FER: variants seen among roughly 807,000 people sequenced by gnomAD.
FER encodes tyrosine-protein kinase Fer.
A neutral mutation model predicts 111.0 loss-of-function variants in FER; 63 were observed. That is an observed-to-expected ratio of 0.57 (90% CI 0.46 to 0.70). The LOEUF is 0.70. FER is among the 30% of genes least tolerant of loss of function. FER has a pLI of 0.00. For synonymous variants in FER, 327 were observed against 313.9 expected (o/e 1.04, Z -0.44); for missense variants, 914 against 954.0 (o/e 0.96, Z 0.55).
At chr5:109,146,265 T>TTATCTATCTA (rs1358789502) in intron 17 of FER, among the ~76,000 whole-genome samples, 5 of 87,246 alleles carry the variant, frequency 5.7e-5, no homozygotes, top group South Asian at 3.5e-4. Flanking sequence ...TATATATATA[T>TTATCTATCTA]ATATATATAT....
rs531503128 is a variant in FER, at chr5:108,885,445, T to A, written c.1046+1927T>A. On this transcript the variant is annotated intron_variant, in intron 9 of 19. Transcript: ENST00000281092. ...TTGTCTGGGTCTGTTTGGTCTGCTA[T>A]AACAATGTGCCATAGACTAGGTGAC... is the stretch of plus-strand genomic sequence containing the variant. Among the ~76,000 whole-genome samples the A allele has an allele frequency of 2.0e-5, 3 of 152,110 alleles. No individual in the cohort carries two copies. The South Asian group carries it at 6.2e-4, about 31-fold the overall frequency.
At chr5:108,775,661 C>A (rs531930707) in intron 2 of FER, among the ~76,000 whole-genome samples, 1 of 152,172 alleles carries the variant, frequency 6.6e-6, no homozygotes, top group East Asian at 1.9e-4. Flanking sequence ...GCTGGCCAGT[C>A]AGGTGCTGTT....
chr5:109,129,042 G>A (rs1372704991), intron 17 of FER, among the ~76,000 whole-genome samples: 3 of 151,984 alleles, frequency 2.0e-5, no homozygotes, highest in South Asian at 2.1e-4. Context: ...CTAATATATA[G>A]ATAAAGATTT....
chr5:108,971,239 G>A (rs1760615254), intron 13 of FER, among the ~76,000 whole-genome samples: 1 of 139,618 alleles, frequency 7.2e-6, no homozygotes. Context: ...AGCACTTTGG[G>A]AGGCTGAGAT....
chr5:108,970,283 T>C (rs1029842988), intron 13 of FER, among the ~76,000 whole-genome samples: 8 of 151,868 alleles, frequency 5.3e-5, no homozygotes, highest in Admixed American at 2.0e-4. Context: ...TGGCGCAATC[T>C]TGGCTCACTG....
At chr5:108,955,827 A>G (rs1758351814) in intron 12 of FER, among the ~76,000 whole-genome samples, 1 of 151,836 alleles carries the variant, frequency 6.6e-6, no homozygotes, top group Non-Finnish European at 1.5e-5. Flanking sequence ...GTGTATGTAC[A>G]CAGACATGCA....
intron 16 of FER, among the ~76,000 whole-genome samples, chr5:109,092,705 C>T (rs1746979793): frequency 6.6e-6 from 1 of 152,112 alleles, no homozygotes; most frequent in African/African-American, 2.4e-5. Context: ...ATGGAGCTTC[C>T]TCAAAAAATT....
intron 3 of FER, among the ~76,000 whole-genome samples, chr5:108,829,106 G>T (rs1759774079): frequency 6.6e-6 from 1 of 152,076 alleles, no homozygotes; most frequent in African/African-American, 2.4e-5. Context: ...TCTTTGTTAA[G>T]CACCTATTAA....
At chr5:109,009,121 C>G (rs960529400) in intron 13 of FER, among the ~76,000 whole-genome samples, 15 of 144,328 alleles carry the variant, frequency 1.0e-4, no homozygotes, top group African/African-American at 3.8e-4. Context: ...GATCTCGGCT[C>G]CCTGCAACTG....
intron 3 of FER, among the ~76,000 whole-genome samples, chr5:108,819,509 C>G (rs1413837010): frequency 6.6e-6 from 1 of 152,116 alleles, no homozygotes; most frequent in Admixed American, 6.6e-5. Flanking sequence ...CATTCAAACT[C>G]CACATTTATA....
chr5:109,071,938 G>C (rs1374009250), intron 16 of FER, among the ~76,000 whole-genome samples: 2 of 151,268 alleles, frequency 1.3e-5, no homozygotes, highest in South Asian at 4.2e-4. Context: ...ATATTTGCTA[G>C]TGATATATAA....
At chr5:108,765,650 G>T (rs1476047167) in intron 1 of FER, among the ~76,000 whole-genome samples, 1 of 152,130 alleles carries the variant, frequency 6.6e-6, no homozygotes, top group Non-Finnish European at 1.5e-5. Flanking sequence ...TTGAACTTAG[G>T]TCTGTGGAAA....
chr5:108,878,375 A>G (rs1765308308), intron 8 of FER, among the ~76,000 whole-genome samples: 1 of 152,088 alleles, frequency 6.6e-6, no homozygotes, highest in Admixed American at 6.6e-5. Context: ...TCATGAAGAA[A>G]GTGTATGTAT....
chr5:109,104,615 C>T (rs1748657118), intron 17 of FER, among the ~76,000 whole-genome samples: 1 of 151,984 alleles, frequency 6.6e-6, no homozygotes, highest in South Asian at 2.1e-4. Flanking sequence ...TAAGAGAGAG[C>T]TTGACTTAAT....
At chr5:108,999,317 G>A (rs1764408691) in intron 13 of FER, among the ~76,000 whole-genome samples, 2 of 151,948 alleles carry the variant, frequency 1.3e-5, no homozygotes, top group African/African-American at 2.4e-5. Flanking sequence ...TCTTAGTACT[G>A]AACATTTAAA....
chr5:108,996,096 C>A lies in FER; in HGVS notation c.1656+36749C>A, dbSNP rs945416167. Among the ~76,000 whole-genome samples the A allele has an allele frequency of 2.0e-5, 3 of 152,278 alleles. No individual in the cohort carries two copies. The South Asian group carries it at 6.2e-4, about 32-fold the overall frequency. ...GAAATGTCTGTTCATATCCCTTGCC[C>A]ACTTTTTGAAGGAGTTGTTTTTTTC... is the stretch of plus-strand genomic sequence containing the variant. On this transcript the variant is annotated intron_variant, in intron 13 of 19. Transcript: ENST00000281092.
chr5:108,820,418 G>C, intron 3 of FER: 1 of 985,354 alleles, frequency 1.0e-6, no homozygotes, highest in African/African-American at 1.7e-5. Context: ...TTATTTTTCT[G>C]GTTACTGTTC....
chr5:109,085,955 T>C (rs181295410), intron 16 of FER, among the ~76,000 whole-genome samples: 214 of 151,976 alleles, frequency 1.4e-3, no homozygotes, highest in African/African-American at 5.0e-3. Context: ...TGATATATAT[T>C]GTGCTTATAA....
intron 18 of FER, among the ~76,000 whole-genome samples, chr5:109,182,528 A>G (rs1289931306): frequency 6.6e-6 from 1 of 152,220 alleles, no homozygotes; most frequent in African/African-American, 2.4e-5. Flanking sequence ...AAGATAGATT[A>G]TAATACTCAA....
Sources: allele counts gnomAD v4.1 joint callset (sites outside exome capture counted in the v4.1 genomes callset), GRCh38; gene constraint gnomAD v4.1.1; transcripts MANE v1.5; gene names NCBI Gene and HGNC (gene_info 2026-07-23, HGNC 2026-07-21).